The following ITPR2 variants were observed in gnomAD, a reference collection of about 807,000 sequenced individuals.
The protein encoded by ITPR2 is inositol 1,4,5-trisphosphate receptor type 2.
A neutral mutation model predicts 317.1 loss-of-function variants in ITPR2; 207 were observed. That is an observed-to-expected ratio of 0.65 (90% CI 0.58 to 0.73). The LOEUF is 0.73. ITPR2 is among the 30% of genes least tolerant of loss of function. The pLI, the probability that ITPR2 is intolerant of heterozygous loss-of-function variation, is 0.00. For synonymous variants in ITPR2, 1,156 were observed against 1,149.1 expected (o/e 1.01, Z -0.12); for missense variants, 2,613 against 3,284.0 (o/e 0.80, Z 4.99).
At chr12:26,584,733 C>T (rs1945480706) in intron 32 of ITPR2, among the ~76,000 whole-genome samples, 1 of 152,156 alleles carries the variant, frequency 6.6e-6, no homozygotes, top group South Asian at 2.1e-4. Context: ...TTTAACTTAT[C>T]TGAATTAAAA....
At chr12:26,451,525 T>C (rs1415553947) in intron 45 of ITPR2, among the ~76,000 whole-genome samples, 1 of 152,156 alleles carries the variant, frequency 6.6e-6, no homozygotes, top group Non-Finnish European at 1.5e-5. Context: ...AAAAATATTG[T>C]AAGTTATATT....
chr12:26,705,754 C>T (rs952096857), intron 9 of ITPR2, among the ~76,000 whole-genome samples: 12 of 152,268 alleles, frequency 7.9e-5, no homozygotes, highest in African/African-American at 2.4e-4. Context: ...TAACACCTGA[C>T]GGCTTACCAC....
intron 37 of ITPR2, among the ~76,000 whole-genome samples, chr12:26,547,006 C>T (rs1453213765): frequency 1.3e-5 from 2 of 152,090 alleles, no homozygotes; most frequent in Non-Finnish European, 2.9e-5. Context: ...TAATTTATGG[C>T]TAAGATCTGA....
At chr12:26,397,875 C>G (rs530561149) in intron 54 of ITPR2, among the ~76,000 whole-genome samples, 1 of 152,126 alleles carries the variant, frequency 6.6e-6, no homozygotes, top group South Asian at 2.1e-4. Context: ...AGTGGGTGAT[C>G]ACCCAAAGAA....
At position 26,538,534 on chromosome 12, in the gene ITPR2, T is replaced by C. The variant is rs1944164995; in HGVS notation, c.5073+11713A>G. Among the ~76,000 whole-genome samples, 8 of 152,306 alleles carry C rather than the reference T, an allele frequency of 5.3e-5. No individual in the cohort carries two copies. In the South Asian group the frequency reaches 1.7e-3, roughly 32 times the overall value. Reference sequence around the variant, plus strand: ...ATCAGAAAACCTTGATTCATATTCCTGCTCTGCCATTTACAAAGCCTGTGA... The same window carrying C: ...ATCAGAAAACCTTGATTCATATTCCCGCTCTGCCATTTACAAAGCCTGTGA... On this transcript the variant is annotated intron_variant, in intron 37 of 56. Transcript: ENST00000381340.
chr12:26,813,382 C>T (rs1304228594), intron 1 of ITPR2, among the ~76,000 whole-genome samples: 1 of 152,172 alleles, frequency 6.6e-6, no homozygotes, highest in Non-Finnish European at 1.5e-5. Flanking sequence ...ACAAGATAAG[C>T]TACTTGCATC....
intron 32 of ITPR2, 91 bp from the exon 33 acceptor site, chr12:26,580,246 G>A (rs931589830): frequency 6.2e-6 from 7 of 1,125,314 alleles, no homozygotes; most frequent in Non-Finnish European, 8.8e-6. Flanking sequence ...TCCTGAAATA[G>A]TTGTCAGTAA....
At position 26,666,101 on chromosome 12, in the gene ITPR2, G is replaced by A. The variant is rs772338757; in HGVS notation, c.1410-50C>T. On this transcript the variant is annotated intron_variant, in intron 13 of 56. Transcript: ENST00000381340. Reference sequence around the variant, plus strand: ...TTACTTTACAGTGTGCTTAATTTTGGAAAATGTATAGATAGATGATAGGTA... The same window carrying A: ...TTACTTTACAGTGTGCTTAATTTTGAAAAATGTATAGATAGATGATAGGTA... 1.9e-5 allele frequency: 27 copies of A among 1,414,484 alleles called. No individual in the cohort carries two copies. In the East Asian group the frequency reaches 5.3e-4, roughly 28 times the overall value. The allele number at this position is 1,414,484 out of a possible 1,614,324, so 87.6% of individuals were successfully genotyped here. A position where few individuals can be genotyped will look rare whatever the true frequency, so the allele number is the denominator to read the frequency against.
intron 32 of ITPR2, among the ~76,000 whole-genome samples, chr12:26,580,496 G>C (rs930344003): frequency 1.3e-5 from 2 of 152,112 alleles, no homozygotes; most frequent in African/African-American, 4.8e-5. Context: ...TCCACTCAAT[G>C]TAAGAGACCA....
chr12:26,772,167 G>A (rs1565175), intron 2 of ITPR2, among the ~76,000 whole-genome samples: 43,394 of 150,998 alleles, frequency 0.29, 7,549 homozygotes, highest in East Asian at 0.75. Flanking sequence ...ACTGAACTTG[G>A]CACATCAAAC....
intron 55 of ITPR2, among the ~76,000 whole-genome samples, chr12:26,353,467 G>A (rs1938543116): frequency 6.6e-6 from 1 of 152,192 alleles, no homozygotes; most frequent in Non-Finnish European, 1.5e-5. Flanking sequence ...AGTCTTTTAG[G>A]TAGACTCTTA....
chr12:26,741,078 T>A (rs767459364), intron 2 of ITPR2, among the ~76,000 whole-genome samples: 6 of 152,246 alleles, frequency 3.9e-5, no homozygotes, highest in Non-Finnish European at 7.3e-5. Context: ...TCCGAGGAAC[T>A]CTGCAATTGA....
At position 26,340,152 on chromosome 12, in the gene ITPR2, C is replaced by T. The variant is rs780450499; in HGVS notation, c.8019+15G>A. ...ACTTTATCCCACCCAGCCCCATCTC[C>T]CTGAATGCACCCACCTGCTCCTTGA... On this transcript the variant is annotated intron_variant, in intron 56 of 56. Coordinates refer to ENST00000381340, the MANE Select transcript of ITPR2 (RefSeq NM_002223.4). The T allele has an allele frequency of 1.5e-5, 24 of 1,588,506 alleles. No individual in the cohort carries two copies. The highest frequency in any genetic ancestry group is 2.1e-5 in the Non-Finnish European group (24 of 1,167,244).
intron 45 of ITPR2, among the ~76,000 whole-genome samples, chr12:26,460,207 C>G (rs374197967): frequency 7.2e-5 from 11 of 152,326 alleles, no homozygotes; most frequent in African/African-American, 2.6e-4. Context: ...TGTCTCACCT[C>G]TGGTCCTCTG....
intron 13 of ITPR2, among the ~76,000 whole-genome samples, chr12:26,679,048 T>C (rs1947973894): frequency 1.3e-5 from 2 of 152,222 alleles, no homozygotes; most frequent in Non-Finnish European, 2.9e-5. Context: ...GTTAGATCAA[T>C]AACAGGCAAA....
chr12:26,488,041 G>C (rs747585086), intron 39 of ITPR2, among the ~76,000 whole-genome samples: 2 of 152,146 alleles, frequency 1.3e-5, no homozygotes, highest in Non-Finnish European at 2.9e-5. Context: ...CCTAATTCTT[G>C]CCTGCTCAAT....
intron 22 of ITPR2, among the ~76,000 whole-genome samples, chr12:26,628,957 A>G (rs932950870): frequency 4.1e-4 from 63 of 152,188 alleles, no homozygotes; most frequent in Admixed American, 3.6e-3. Flanking sequence ...CATAGGTACC[A>G]TCTGTCCCTG....
intron 35 of ITPR2, among the ~76,000 whole-genome samples, chr12:26,556,982 G>A (rs1591896866): frequency 6.6e-6 from 1 of 151,978 alleles, no homozygotes; most frequent in Non-Finnish European, 1.5e-5. Context: ...AGGAGGCTGA[G>A]GTGGGAGAAT....
At chr12:26,797,036 C>CA (rs1179620950) in intron 1 of ITPR2, among the ~76,000 whole-genome samples, 14 of 147,518 alleles carry the variant, frequency 9.5e-5, no homozygotes, top group Admixed American at 4.1e-4. Context: ...GACTCTGTCT[C>CA]AAAAAAAAAT....
Sources: allele counts gnomAD v4.1 joint callset (sites outside exome capture counted in the v4.1 genomes callset), GRCh38; gene constraint gnomAD v4.1.1; transcripts MANE v1.5; gene names NCBI Gene and HGNC (gene_info 2026-07-23, HGNC 2026-07-21).